The following DLGAP2 variants were observed in gnomAD, a reference collection of about 807,000 sequenced individuals.
DLGAP2 encodes disks large-associated protein 2.
In DLGAP2, 26 loss-of-function variants were observed where a neutral mutation model predicts 100.3. The observed-to-expected ratio is 0.26, with a 90% confidence interval of 0.19 to 0.36. The LOEUF (loss-of-function observed/expected upper bound fraction) is 0.36. DLGAP2 is among the 10% of genes least tolerant of loss of function. The pLI is 1.00. For missense variants in DLGAP2, 1,858 were observed against 1,453.2 expected, an observed-to-expected ratio of 1.28 and a Z score of -4.53; for synonymous variants, 886 against 630.1, an observed-to-expected ratio of 1.41 and a Z score of -6.08.
At chr8:1,578,582 A>T (rs950732311) in intron 6 of DLGAP2, among the ~76,000 whole-genome samples, 4 of 151,984 alleles carry the variant, frequency 2.6e-5, no homozygotes, top group Non-Finnish European at 4.4e-5. Flanking sequence ...AAAATGTTCC[A>T]CCTCTTGGAA....
intron 6 of DLGAP2, among the ~76,000 whole-genome samples, chr8:1,618,667 G>A (rs114674742): frequency 6.6e-6 from 1 of 152,292 alleles, no homozygotes; most frequent in African/African-American, 2.4e-5. Context: ...ATCTAATCGG[G>A]ACAGTGTGAT....
chr8:1,420,513 T>C (rs1274132428), intron 3 of DLGAP2, among the ~76,000 whole-genome samples: 1 of 152,212 alleles, frequency 6.6e-6, no homozygotes, highest in Non-Finnish European at 1.5e-5. Context: ...TACAACTCTA[T>C]GCATGTCACT....
intron 10 of DLGAP2, 65 bp downstream of exon 10, chr8:1,669,849 A>G (rs1798646257): frequency 3.8e-6 from 3 of 780,054 alleles, no homozygotes; most frequent in Non-Finnish European, 2.4e-6. Flanking sequence ...CCTTTTTTGG[A>G]TGTTCATGCG....
intron 3 of DLGAP2, among the ~76,000 whole-genome samples, chr8:1,421,372 G>A (rs547417493): frequency 6.6e-6 from 1 of 152,214 alleles, no homozygotes; most frequent in East Asian, 1.9e-4. Context: ...AGTTGTGACT[G>A]CAGTTCATCA....
intron 3 of DLGAP2, among the ~76,000 whole-genome samples, chr8:1,445,922 C>G (rs1245249220): frequency 6.6e-6 from 1 of 152,190 alleles, no homozygotes; most frequent in Non-Finnish European, 1.5e-5. Flanking sequence ...CATTCACCAA[C>G]TTTTTGATGG....
At chr8:1,177,793 G>T (rs1039866253) in intron 2 of DLGAP2, among the ~76,000 whole-genome samples, 4 of 152,170 alleles carry the variant, frequency 2.6e-5, no homozygotes, top group East Asian at 3.9e-4. Flanking sequence ...CCCTCACAGG[G>T]TACAAGGGGT....
intron 4 of DLGAP2, among the ~76,000 whole-genome samples, chr8:1,508,772 C>A (rs182056177): frequency 8.6e-5 from 13 of 151,598 alleles, no homozygotes; most frequent in Non-Finnish European, 1.8e-4. Context: ...CCTAAAAACA[C>A]CGAGCAGGCA....
At chr8:1,304,434 A>C (rs1052655157) in intron 3 of DLGAP2, among the ~76,000 whole-genome samples, 1 of 152,246 alleles carries the variant, frequency 6.6e-6, no homozygotes, top group African/African-American at 2.4e-5. Context: ...ATTTTTTAAA[A>C]AATGACAACC....
chr8:1,660,095 A>G (rs886081558), intron 8 of DLGAP2, among the ~76,000 whole-genome samples: 2 of 152,030 alleles, frequency 1.3e-5, no homozygotes. Context: ...TTTCTCCTTC[A>G]CTTATTTAGT....
At chr8:963,830 T>A (rs1391184179) in intron 2 of DLGAP2, among the ~76,000 whole-genome samples, 1 of 152,200 alleles carries the variant, frequency 6.6e-6, no homozygotes, top group Non-Finnish European at 1.5e-5. Flanking sequence ...ACAGTTAACA[T>A]GAAAAATTTG....
intron 3 of DLGAP2, among the ~76,000 whole-genome samples, chr8:1,349,866 G>A (rs991323161): frequency 6.6e-6 from 1 of 152,206 alleles, no homozygotes; most frequent in African/African-American, 2.4e-5. Context: ...CTGTACCTCA[G>A]TTACATTGTA....
intron 8 of DLGAP2, among the ~76,000 whole-genome samples, chr8:1,633,720 G>A (rs532661714): frequency 2.0e-5 from 3 of 152,100 alleles, no homozygotes; most frequent in African/African-American, 7.2e-5. Context: ...ATAAAAGCTC[G>A]AGGCGCCGCA....
intron 2 of DLGAP2, among the ~76,000 whole-genome samples, chr8:977,280 C>T (rs1328478147): frequency 6.6e-6 from 1 of 151,360 alleles, no homozygotes; most frequent in South Asian, 2.1e-4. Context: ...GAAATCATTC[C>T]TTCTCTTGAA....
intron 2 of DLGAP2, among the ~76,000 whole-genome samples, chr8:1,023,211 G>A (rs772176512): frequency 1.3e-5 from 2 of 152,194 alleles, no homozygotes; most frequent in South Asian, 4.1e-4. Flanking sequence ...GACTCAAAGA[G>A]TATCTGGTCA....
At chr8:1,183,282 T>C (rs1302726439) in intron 2 of DLGAP2, among the ~76,000 whole-genome samples, 1 of 152,056 alleles carries the variant, frequency 6.6e-6, no homozygotes, top group African/African-American at 2.4e-5. Flanking sequence ...TCCAGAATAA[T>C]ATCAGTTCAC....
At chr8:899,069 C>T (rs377106904) in intron 1 of DLGAP2, among the ~76,000 whole-genome samples, 3 of 152,228 alleles carry the variant, frequency 2.0e-5, no homozygotes, top group South Asian at 2.1e-4. Flanking sequence ...AGATAACAAC[C>T]GTTGACTGAT....
At chr8:1,469,162 C>T (rs1798711607) in intron 3 of DLGAP2, among the ~76,000 whole-genome samples, 1 of 152,236 alleles carries the variant, frequency 6.6e-6, no homozygotes, top group Admixed American at 6.5e-5. Flanking sequence ...CAGAGGCCTG[C>T]CCTAAAAGCT....
chr8:843,887 T>C (rs1797027224), intron 1 of DLGAP2, among the ~76,000 whole-genome samples: 1 of 152,232 alleles, frequency 6.6e-6, no homozygotes, highest in Non-Finnish European at 1.5e-5. Flanking sequence ...GGAAAACATA[T>C]GTTTAAGTCA....
At chr8:1,198,022 C>G (rs1797791272) in intron 2 of DLGAP2, among the ~76,000 whole-genome samples, 1 of 152,064 alleles carries the variant, frequency 6.6e-6, no homozygotes, top group Non-Finnish European at 1.5e-5. Context: ...ATTCAGGGAC[C>G]CACTGGAAAT....
Sources: allele counts gnomAD v4.1 joint callset (sites outside exome capture counted in the v4.1 genomes callset), GRCh38; gene constraint gnomAD v4.1.1; transcripts MANE v1.5; gene names NCBI Gene and HGNC (gene_info 2026-07-23, HGNC 2026-07-21).